The following B3GALT1 variants were observed in gnomAD, a reference collection of about 807,000 sequenced individuals.
B3GALT1 encodes beta-1,3-galactosyltransferase 1.
Under a neutral mutation model 23.2 loss-of-function variants are expected in B3GALT1, and 10 were observed. The observed-to-expected ratio is 0.43, with a 90% CI of 0.27 to 0.73. B3GALT1 has a LOEUF of 0.73. B3GALT1 is among the 30% of genes least tolerant of loss of function. The pLI, the probability that B3GALT1 is intolerant of heterozygous loss-of-function variation, is 0.21. For missense variants in B3GALT1, 299 were observed against 405.4 expected, an observed-to-expected ratio of 0.74 and a Z score of 2.25; for synonymous variants, 156 against 141.5, an observed-to-expected ratio of 1.10 and a Z score of -0.73.
chr2:167,726,187 G>T (rs182286441), intron 3 of B3GALT1, among the ~76,000 whole-genome samples: 2 of 152,260 alleles, frequency 1.3e-5, no homozygotes, highest in Non-Finnish European at 2.9e-5. Flanking sequence ...GCTTAGGTCT[G>T]CCCTGCTTCC....
intron 2 of B3GALT1, among the ~76,000 whole-genome samples, chr2:167,644,726 G>A (rs1017132795): frequency 5.0e-5 from 7 of 141,194 alleles, no homozygotes; most frequent in Admixed American, 3.0e-4. Flanking sequence ...CTTGCAGTGA[G>A]CCAAGATCGC....
chr2:167,479,058 C>T (rs866902283), intron 1 of B3GALT1, among the ~76,000 whole-genome samples: 7 of 151,446 alleles, frequency 4.6e-5, no homozygotes, highest in South Asian at 2.1e-4. Flanking sequence ...AGTGAGACTT[C>T]GGCTCAAAAA....
intron 4 of B3GALT1, among the ~76,000 whole-genome samples, chr2:167,858,509 T>TTA (rs1213285572): frequency 2.6e-5 from 4 of 152,172 alleles, no homozygotes; most frequent in Middle Eastern, 3.2e-3. Context: ...ACCATTTGAC[T>TTA]TATATAGTAT....
At chr2:167,345,235 G>A (rs764345675) in intron 1 of B3GALT1, among the ~76,000 whole-genome samples, 4 of 151,846 alleles carry the variant, frequency 2.6e-5, no homozygotes, top group Non-Finnish European at 5.9e-5. Flanking sequence ...CTGAAGCTTA[G>A]CATTCTTATG....
In B3GALT1 at chr2:167,872,965, C is replaced by T. The variant is rs1199958818; in HGVS notation, c.*2945C>T. 4 of 152,066 alleles carry T rather than the reference C, an allele frequency of 2.6e-5. No homozygotes were observed. The highest frequency in any genetic ancestry group is 1.3e-4 in the Admixed American group (2 of 15,262). The allele number at this position is 152,066 out of a possible 1,614,324, so 9.4% of individuals were successfully genotyped here. ...TGTTTCATAGCCTTAAGCATGTTTG[C>T]CCTTCGTTTTTTGAATGTTCAAAAA... On this transcript the variant is annotated 3_prime_UTR_variant, in exon 5 of 5. Coordinates refer to ENST00000392690, the MANE Select transcript of B3GALT1 (RefSeq NM_020981.4).
intron 2 of B3GALT1, among the ~76,000 whole-genome samples, chr2:167,511,489 T>C (rs1653420): frequency 0.51 from 77,127 of 152,064 alleles, 22,482 homozygotes; most frequent in East Asian, 0.98. Flanking sequence ...TGAGGCCTCC[T>C]GAGCCCTGTG....
intron 3 of B3GALT1, among the ~76,000 whole-genome samples, chr2:167,730,893 G>A (rs1045092079): frequency 6.6e-6 from 1 of 152,104 alleles, no homozygotes; most frequent in Non-Finnish European, 1.5e-5. Flanking sequence ...CTTACAATGT[G>A]CCATACTCCA....
At chr2:167,850,629 G>A (rs569027731) in intron 4 of B3GALT1, among the ~76,000 whole-genome samples, 1 of 152,206 alleles carries the variant, frequency 6.6e-6, no homozygotes, top group Admixed American at 6.5e-5. Flanking sequence ...TTGCAAGATT[G>A]TGGAACCAAC....
intron 1 of B3GALT1, among the ~76,000 whole-genome samples, chr2:167,294,122 G>C (rs1466310003): frequency 2.0e-5 from 3 of 152,176 alleles, no homozygotes; most frequent in Non-Finnish European, 4.4e-5. Context: ...CAGCTTGGTG[G>C]AGGCAGAGCG....
intron 1 of B3GALT1, among the ~76,000 whole-genome samples, chr2:167,403,170 C>G (rs1698219452): frequency 8.1e-6 from 1 of 123,542 alleles, no homozygotes; most frequent in African/African-American, 3.0e-5. Context: ...TATCCCTCCC[C>G]CCTCCCCCCA....
At chr2:167,346,745 T>TGTG (rs1383266302) in intron 1 of B3GALT1, among the ~76,000 whole-genome samples, 66 of 35,594 alleles carry the variant, frequency 1.9e-3, no homozygotes, top group East Asian at 4.5e-3. Context: ...TGTGTGTGTG[T>TGTG]GGGGGGGGGG....
At chr2:167,672,292 C>T (rs548158439) in intron 3 of B3GALT1, among the ~76,000 whole-genome samples, 1 of 152,022 alleles carries the variant, frequency 6.6e-6, no homozygotes, top group Non-Finnish European at 1.5e-5. Flanking sequence ...ACCAACACAA[C>T]CTAAATTTAA....
chr2:167,536,531 C>T (rs1021017043), intron 2 of B3GALT1, among the ~76,000 whole-genome samples: 1 of 152,186 alleles, frequency 6.6e-6, no homozygotes, highest in Non-Finnish European at 1.5e-5. Flanking sequence ...TGCTCTGTAA[C>T]TTCTTTCAAT....
chr2:167,564,468 G>A (rs576395932), intron 2 of B3GALT1, among the ~76,000 whole-genome samples: 20 of 152,290 alleles, frequency 1.3e-4, no homozygotes, highest in East Asian at 5.8e-4. Flanking sequence ...GGTGGCGGCC[G>A]GGCAGAGGCT....
At chr2:167,777,703 G>A (rs1027668707) in intron 3 of B3GALT1, among the ~76,000 whole-genome samples, 19 of 152,144 alleles carry the variant, frequency 1.2e-4, no homozygotes, top group African/African-American at 4.3e-4. Context: ...TCAATCCCCT[G>A]AGACCAAATA....
At chr2:167,454,965 C>CA (rs1289324057) in intron 1 of B3GALT1, among the ~76,000 whole-genome samples, 1 of 152,180 alleles carries the variant, frequency 6.6e-6, no homozygotes. Context: ...GCCTGGGATC[C>CA]ATTAACGAGC....
At chr2:167,456,843 A>G (rs1699180217) in intron 1 of B3GALT1, among the ~76,000 whole-genome samples, 1 of 152,066 alleles carries the variant, frequency 6.6e-6, no homozygotes, top group African/African-American at 2.4e-5. Context: ...CAGTCCAGGT[A>G]CTCTCCAAAC....
In B3GALT1 at chr2:167,381,552, C is replaced by T. The variant is rs566057439; in HGVS notation, c.-511+88218C>T. On this transcript the variant is annotated intron_variant, in intron 1 of 4. Transcript: ENST00000392690. ...GTCCTGGAGACAGCAGCATTCTTCG[C>T]ATTCTTTTTGGTGATTCTAATGTGC... 1.2e-4 allele frequency among the ~76,000 whole-genome samples: 19 copies of T among 152,264 alleles called. No homozygotes were observed. In the South Asian group the frequency reaches 3.9e-3, roughly 32 times the overall value.
chr2:167,319,870 G>C (rs1272834160), intron 1 of B3GALT1, among the ~76,000 whole-genome samples: 1 of 152,060 alleles, frequency 6.6e-6, no homozygotes, highest in Non-Finnish European at 1.5e-5. Flanking sequence ...CAGTAAGCTA[G>C]TGAATTAGTT....
Sources: allele counts gnomAD v4.1 joint callset (sites outside exome capture counted in the v4.1 genomes callset), GRCh38; gene constraint gnomAD v4.1.1; transcripts MANE v1.5; gene names NCBI Gene and HGNC (gene_info 2026-07-23, HGNC 2026-07-21).